The following SRP19 variants were observed in gnomAD, a reference collection of about 807,000 sequenced individuals.
The protein encoded by SRP19 is signal recognition particle 19 kDa protein.
A neutral mutation model predicts 22.4 loss-of-function variants in SRP19; 11 were observed. The ratio of observed to expected loss-of-function variants is 0.49; its 90% CI spans 0.31 to 0.81. The LOEUF (loss-of-function observed/expected upper bound fraction) is 0.81, where lower values mean the gene tolerates loss of function less well. Ranked by LOEUF, SRP19 falls within the 40% of genes least tolerant of loss-of-function variation. The pLI, the probability that SRP19 is intolerant of heterozygous loss-of-function variation, is 0.05. For synonymous variants in SRP19, 61 were observed against 57.6 expected (o/e 1.06, Z -0.27); for missense variants, 168 against 175.9 (o/e 0.96, Z 0.25).
intron 4 of SRP19, among the ~76,000 whole-genome samples, chr5:112,881,519 A>G (rs1156848269): frequency 1.3e-5 from 2 of 152,178 alleles, no homozygotes; most frequent in African/African-American, 4.8e-5. Flanking sequence ...CTCTTAGAGA[A>G]AGCTGGCTGT....
exon 4 of SRP19, chr5:112,898,209 C>G (rs970267744): frequency 5.3e-5 from 8 of 152,250 alleles, no homozygotes; most frequent in African/African-American, 1.9e-4. Context: ...AGACGAGACT[C>G]TGCAATTCAG....
Position 112,869,213 on chromosome 5 carries a change from A to G in SRP19, c.*1676A>G, listed in dbSNP as rs181271785. The G allele has an allele frequency of 2.6e-5, 4 of 152,180 alleles. No homozygotes were observed. The highest frequency in any genetic ancestry group is 2.9e-5 in the Non-Finnish European group (2 of 68,034). 9.4% of individuals were successfully genotyped at this position (152,180 alleles called of 1,614,324 possible). A position where few individuals can be genotyped will look rare whatever the true frequency, so the allele number is the denominator to read the frequency against. On this transcript the variant is annotated 3_prime_UTR_variant, in exon 5 of 5. Coordinates refer to ENST00000505459, the MANE Select transcript of SRP19 (RefSeq NM_003135.3). ...TTTGTATTTTTCCGCTCTGCTGTCC[A>G]TGACATATTTCTAACACCTTTATGA...
downstream of SRP19, among the ~76,000 whole-genome samples, chr5:112,873,445 C>T (rs1248226229): frequency 2.0e-5 from 3 of 148,748 alleles, no homozygotes; most frequent in African/African-American, 7.4e-5. Context: ...CTCCTGGGTT[C>T]AAGCGATTCT....
intron 4 of SRP19, chr5:112,887,169 C>G: frequency 6.2e-7 from 1 of 1,601,300 alleles, no homozygotes; most frequent in East Asian, 2.2e-5. Context: ...CCATGCACCA[C>G]AACAGGAAGC....
chr5:112,875,800 T>G (rs935425926), intron 4 of SRP19, among the ~76,000 whole-genome samples: 11 of 151,362 alleles, frequency 7.3e-5, no homozygotes, highest in African/African-American at 2.4e-4. Context: ...TAATCCCAGC[T>G]CTTTGGGAGG....
intron 4 of SRP19, among the ~76,000 whole-genome samples, chr5:112,866,159 C>T (rs1235568196): frequency 2.6e-5 from 4 of 151,096 alleles, no homozygotes; most frequent in African/African-American, 9.7e-5. Flanking sequence ...TCTTGTTGCC[C>T]AGGCTGCAGT....
chr5:112,888,539 C>T (rs74665787), intron 4 of SRP19, among the ~76,000 whole-genome samples: 4,071 of 150,068 alleles, frequency 0.027, 155 homozygotes, highest in East Asian at 0.13. Flanking sequence ...CTTCCCACAG[C>T]CTCCCAAGTA....
At chr5:112,892,866 G>A in exon 5 of SRP19, 1 of 1,613,308 alleles carries the variant, frequency 6.2e-7, no homozygotes. Context: ...GTCATAGGGG[G>A]AAGAAATCTC....
chr5:112,865,028 C>T (rs1767544615), intron 4 of SRP19: 3 of 214,234 alleles, frequency 1.4e-5, no homozygotes, highest in South Asian at 1.4e-4. Flanking sequence ...ATTATTAAAT[C>T]GTTGGATGTT....
intron 4 of SRP19, among the ~76,000 whole-genome samples, chr5:112,866,138 CAG>C (rs1767597979): frequency 6.9e-6 from 1 of 144,388 alleles, no homozygotes. Flanking sequence ...TTTTCTGAGA[CAG>C]AGTTTTGCTC....
Position 112,884,740 on chromosome 5 carries a change from C to T in SRP19, c.302-6863C>T, listed in dbSNP as rs550898176. On this transcript the variant is annotated intron_variant, in intron 4 of 4. Transcript: ENST00000391338. ...AGCCTTCTGGTATAGATTTCCTAAA[C>T]GTCTCTATTTAAAATCATAACCATC... is the stretch of plus-strand genomic sequence containing the variant. Among the ~76,000 whole-genome samples, 14 of 151,402 alleles carry T rather than the reference C, an allele frequency of 9.2e-5. No homozygotes were observed. The South Asian group carries it at 2.7e-3, about 29-fold the overall frequency.
chr5:112,884,505 GTA>G (rs140186898), intron 4 of SRP19, among the ~76,000 whole-genome samples: 4,486 of 151,836 alleles, frequency 0.03, 229 homozygotes, highest in African/African-American at 0.1. Context: ...AGCCTCCTGA[GTA>G]GCTGGCACCA....
In SRP19 at chr5:112,861,319, C is replaced by G; in HGVS notation, c.-58C>G. 2.5e-6 allele frequency: 4 copies of G among 1,607,350 alleles called. No homozygotes were observed. The highest frequency in any genetic ancestry group is 1.3e-5 in the African/African-American group (1 of 74,796). ...CTCGGAAACTCAGAGCCGGGTTCCT[C>G]CCGGGTTTCTGCCGGGTTTCTCCCT... On this transcript the variant is annotated 5_prime_UTR_variant, in exon 1 of 5. Coordinates refer to ENST00000505459, the MANE Select transcript of SRP19 (RefSeq NM_003135.3).
At chr5:112,867,156 G>C (rs189151410) in intron 4 of SRP19, among the ~76,000 whole-genome samples, 1 of 152,178 alleles carries the variant, frequency 6.6e-6, no homozygotes, top group East Asian at 1.9e-4. Context: ...CAAAATTTTT[G>C]TTTCATACTT....
chr5:112,892,433 G>T, exon 5 of SRP19: 1 of 1,614,138 alleles, frequency 6.2e-7, no homozygotes, highest in Admixed American at 1.7e-5. Flanking sequence ...AAGGTCAGCT[G>T]CAATTTGGAA....
intron 4 of SRP19, chr5:112,877,632 G>A (rs1019979922): frequency 6.6e-6 from 1 of 152,144 alleles, no homozygotes; most frequent in Non-Finnish European, 1.5e-5. Flanking sequence ...GAGAAAAACT[G>A]AAGATAGATT....
chr5:112,867,844 C>A lies in SRP19; in HGVS notation c.*307C>A. 9.6e-7 allele frequency: 1 copy of A among 1,038,972 alleles called. No individual in the cohort carries two copies. Among genetic ancestry groups the A allele is most frequent in the Non-Finnish European group, 1.2e-6 (1 of 863,396 alleles). The allele number at this position is 1,038,972 out of a possible 1,614,324, so 64.4% of individuals were successfully genotyped here. ...GAAATAAGTTGTTTCAGATAAATTTCAATTAGATTTAAAATAAACATTTTG... is the reference window on the plus strand; with the variant it reads ...GAAATAAGTTGTTTCAGATAAATTTAAATTAGATTTAAAATAAACATTTTG... On this transcript the variant is annotated 3_prime_UTR_variant, in exon 5 of 5. Transcript: ENST00000505459.
intron 2 of SRP19, 31 bp downstream of exon 2, chr5:112,862,614 G>C (rs776905962): frequency 6.3e-7 from 1 of 1,595,982 alleles, no homozygotes; most frequent in South Asian, 1.1e-5. Flanking sequence ...CTTGATCCTC[G>C]AGGGAATGGG....
chr5:112,865,156 TA>T (rs1469777817), intron 4 of SRP19: 1 of 153,892 alleles, frequency 6.5e-6, no homozygotes, highest in East Asian at 1.9e-4. Flanking sequence ...GAGATATACA[TA>T]GTGTGGTACC....
Sources: allele counts gnomAD v4.1 joint callset (sites outside exome capture counted in the v4.1 genomes callset), GRCh38; gene constraint gnomAD v4.1.1; transcripts MANE v1.5; gene names NCBI Gene and HGNC (gene_info 2026-07-23, HGNC 2026-07-21).